GUCY1A2: variants seen among roughly 807,000 people sequenced by gnomAD.
The protein encoded by GUCY1A2 is guanylate cyclase 1 soluble subunit alpha 2, also known as guanylate cyclase soluble subunit alpha-2.
GUCY1A2 carries 27 observed loss-of-function variants against 63.5 expected under a neutral mutation model. That is an observed-to-expected ratio of 0.43 (90% CI 0.31 to 0.59). GUCY1A2 has a LOEUF of 0.59. Among genes scored for constraint, GUCY1A2 ranks in the 20% least tolerant of loss-of-function variants. The pLI, the probability that GUCY1A2 is intolerant of heterozygous loss-of-function variation, is 0.11. For missense variants in GUCY1A2, 768 were observed against 913.3 expected (o/e 0.84, Z 2.05); for synonymous variants, 364 against 343.5 (o/e 1.06, Z -0.66).
intron 4 of GUCY1A2, among the ~76,000 whole-genome samples, chr11:106,916,404 C>G (rs577895456): frequency 6.9e-6 from 1 of 145,272 alleles, no homozygotes; most frequent in Non-Finnish European, 1.5e-5. Context: ...ATACCTATCT[C>G]ATTTGGTTGT....
chr11:106,714,822 A>G (rs1863187300), intron 6 of GUCY1A2, among the ~76,000 whole-genome samples: 1 of 152,116 alleles, frequency 6.6e-6, no homozygotes, highest in Admixed American at 6.6e-5. Context: ...CCTGGAAAAG[A>G]ATTTTCCAGC....
At chr11:106,867,812 A>G (rs1859616538) in intron 4 of GUCY1A2, among the ~76,000 whole-genome samples, 1 of 152,084 alleles carries the variant, frequency 6.6e-6, no homozygotes, top group Non-Finnish European at 1.5e-5. Flanking sequence ...AAAAGAAAAA[A>G]GAGGAATGGA....
chr11:106,868,834 T>C (rs552842540), intron 4 of GUCY1A2, among the ~76,000 whole-genome samples: 1 of 152,284 alleles, frequency 6.6e-6, no homozygotes, highest in South Asian at 2.1e-4. Flanking sequence ...GCTGGAGGCA[T>C]CACGCTATCT....
At chr11:106,800,947 C>T (rs1033797113) in intron 5 of GUCY1A2, among the ~76,000 whole-genome samples, 3 of 151,968 alleles carry the variant, frequency 2.0e-5, no homozygotes, top group Non-Finnish European at 4.4e-5. Context: ...ACCTGCTCCA[C>T]CAAAAGGTTG....
intron 4 of GUCY1A2, 26 bp from the exon 5 acceptor site, chr11:106,810,504 T>C (rs1371486907): frequency 6.5e-7 from 1 of 1,545,416 alleles, no homozygotes; most frequent in African/African-American, 1.4e-5. Flanking sequence ...GGAATTTTGA[T>C]CAGTACTCTT....
At chr11:106,776,982 G>C (rs1307280185) in intron 5 of GUCY1A2, among the ~76,000 whole-genome samples, 2 of 152,066 alleles carry the variant, frequency 1.3e-5, no homozygotes, top group African/African-American at 4.8e-5. Flanking sequence ...TTTTCCACCT[G>C]AAGAAAATTG....
intron 6 of GUCY1A2, among the ~76,000 whole-genome samples, chr11:106,727,210 C>T (rs1863423053): frequency 6.6e-6 from 1 of 152,252 alleles, no homozygotes; most frequent in Non-Finnish European, 1.5e-5. Flanking sequence ...CATAGCAGGG[C>T]CTGTGTAAGG....
At position 106,682,172 on chromosome 11, in the gene GUCY1A2, C is replaced by T. The variant is rs1862443475; in HGVS notation, c.*5377G>A. On this transcript the variant is annotated 3_prime_UTR_variant, in exon 8 of 8. Coordinates refer to ENST00000526355, the MANE Select transcript of GUCY1A2 (RefSeq NM_000855.3). The stretch of plus-strand genomic sequence containing the variant: ...TGAAGATTCATGCTCAGAAAGAAGA[C>T]CACAAATTGGAAATCAAAGCTAAAA... 4.8e-6 allele frequency: 1 copy of T among 208,580 alleles called. No individual in the cohort carries two copies. Among genetic ancestry groups the T allele is most frequent in the South Asian group, 2.0e-4 (1 of 4,968 alleles). The allele number at this position is 208,580 out of a possible 1,614,324, so 12.9% of individuals were successfully genotyped here.
intron 4 of GUCY1A2, among the ~76,000 whole-genome samples, chr11:106,925,700 T>A (rs1860512540): frequency 6.6e-6 from 1 of 152,198 alleles, no homozygotes; most frequent in African/African-American, 2.4e-5. Context: ...CTCCACGCTA[T>A]CAACACTCAA....
At chr11:106,845,753 C>T (rs1412385997) in intron 4 of GUCY1A2, among the ~76,000 whole-genome samples, 3 of 151,400 alleles carry the variant, frequency 2.0e-5, no homozygotes, top group Non-Finnish European at 3.0e-5. Flanking sequence ...TTTGCCAACA[C>T]GAATACAATT....
intron 7 of GUCY1A2, among the ~76,000 whole-genome samples, chr11:106,690,358 C>A (rs963538590): frequency 6.6e-6 from 1 of 152,120 alleles, no homozygotes; most frequent in Non-Finnish European, 1.5e-5. Flanking sequence ...AGAATGAGAT[C>A]ATGTCATTTC....
rs1323773044 is a variant in GUCY1A2 at position 107,007,876 on chromosome 11, GTCCCTCT to G, written c.303+9870_303+9876del. Among the ~76,000 whole-genome samples, 1,054 of 149,624 alleles carry G rather than the reference GTCCCTCT, an allele frequency of 7.0e-3. 124 individuals are homozygous for G. The highest frequency in any genetic ancestry group is 0.06 in the East Asian group (269 of 4,468). On this transcript the variant is annotated intron_variant, in intron 1 of 7. Coordinates refer to ENST00000526355, the MANE Select transcript of GUCY1A2 (RefSeq NM_000855.3). ...AACAACACAGCATGATAGATTTACT[GTCCCTCT>G]AGCTTACAGATACACATTTCTTTAG... is the stretch of plus-strand genomic sequence containing the variant.
intron 3 of GUCY1A2, among the ~76,000 whole-genome samples, chr11:106,963,209 T>TA (rs1005147988): frequency 6.6e-5 from 10 of 152,066 alleles, no homozygotes; most frequent in Admixed American, 4.6e-4. Context: ...AGGGAAGCAA[T>TA]AAAAAAATCA....
intron 5 of GUCY1A2, among the ~76,000 whole-genome samples, chr11:106,778,415 C>A (rs1250069436): frequency 6.6e-6 from 1 of 152,176 alleles, no homozygotes; most frequent in Non-Finnish European, 1.5e-5. Context: ...TCCCTGGCTA[C>A]GATGTGAGCT....
chr11:106,905,468 A>G (rs2119842264), intron 4 of GUCY1A2, among the ~76,000 whole-genome samples: 1 of 152,158 alleles, frequency 6.6e-6, no homozygotes, highest in East Asian at 1.9e-4. Flanking sequence ...ACCTCATTTA[A>G]CCTTAATCAC....
At chr11:106,881,030 G>T (rs1390151550) in intron 4 of GUCY1A2, among the ~76,000 whole-genome samples, 1 of 151,978 alleles carries the variant, frequency 6.6e-6, no homozygotes, top group East Asian at 1.9e-4. Flanking sequence ...AATTGAAAGG[G>T]GTAAATTAAA....
intron 6 of GUCY1A2, among the ~76,000 whole-genome samples, chr11:106,730,096 T>TATATA (rs1565271769): frequency 6.2e-5 from 6 of 96,114 alleles, no homozygotes; most frequent in African/African-American, 1.8e-4. Context: ...ATATATATAT[T>TATATA]ATAGTATATA....
intron 6 of GUCY1A2, among the ~76,000 whole-genome samples, chr11:106,765,678 C>T (rs1864150331): frequency 6.6e-6 from 1 of 152,122 alleles, no homozygotes; most frequent in South Asian, 2.1e-4. Flanking sequence ...TACTCCGGAC[C>T]TGTGTTTCTA....
chr11:106,716,456 C>T (rs1331812898), intron 6 of GUCY1A2, among the ~76,000 whole-genome samples: 1 of 152,160 alleles, frequency 6.6e-6, no homozygotes, highest in Non-Finnish European at 1.5e-5. Context: ...TACTACTTAA[C>T]GGTGGTAGAA....
Sources: gnomAD v4.1 joint callset for allele counts (sites outside exome capture counted in the v4.1 genomes callset) on GRCh38, gnomAD v4.1.1 for gene constraint, MANE v1.5 for transcripts, NCBI Gene and HGNC (gene_info 2026-07-23, HGNC 2026-07-21) for gene names.